The following SHOC1 variants were observed in gnomAD, a reference collection of about 807,000 sequenced individuals.
SHOC1 encodes the protein protein shortage in chiasmata 1 ortholog.
A neutral mutation model predicts 179.2 loss-of-function variants in SHOC1; 136 were observed. The observed-to-expected ratio is 0.76, with a 90% confidence interval of 0.66 to 0.87. The LOEUF is 0.87. Among genes scored for constraint, SHOC1 ranks in the 40% least tolerant of loss-of-function variants. The probability of loss-of-function intolerance (pLI) is 0.00; values close to 1 mark genes in which losing one functional copy is unlikely to be tolerated. For synonymous variants in SHOC1, 489 were observed against 586.6 expected (o/e 0.83, Z 2.41); for missense variants, 1,538 against 1,700.8 (o/e 0.90, Z 1.68).
chr9:111,724,447 C>T lies in SHOC1; in HGVS notation c.1835-536G>A, dbSNP rs539518825. 5.3e-5 allele frequency among the ~76,000 whole-genome samples: 8 copies of T among 152,168 alleles called. No homozygotes were observed. The South Asian group carries it at 1.7e-3, about 32-fold the overall frequency. On this transcript the variant is annotated intron_variant, in intron 13 of 27. Coordinates refer to ENST00000682961, the MANE Select transcript of SHOC1 (RefSeq NM_001378211.1). ...CTTGACCTCTTGGGCTCAAGCAATC[C>T]TCCCACCTCAGCCTCCCAAGTAGCT...
At chr9:111,722,861 G>T (rs1363876420) in intron 14 of SHOC1, among the ~76,000 whole-genome samples, 1 of 151,966 alleles carries the variant, frequency 6.6e-6, no homozygotes, top group Non-Finnish European at 1.5e-5. Flanking sequence ...GAGTGTAGTG[G>T]CGCCATCTCG....
chr9:111,767,714 T>C (rs1283744365), intron 5 of SHOC1, among the ~76,000 whole-genome samples: 1 of 152,214 alleles, frequency 6.6e-6, no homozygotes, highest in Non-Finnish European at 1.5e-5. Flanking sequence ...ATTTTTCTAT[T>C]TCTGTGGAGA....
In SHOC1 at chr9:111,691,623, C is replaced by T. The variant is rs1474048851; in HGVS notation, c.4354G>A (p.Ala1452Thr). The stretch of plus-strand genomic sequence containing the variant: ...CTTTTCTGTCCTAAACTTTTTCCAG[C>T]TCTTTGGTAGAAATAAAGGCTGTTG... ...EFNSLYFYQR[A>T]GKSLGQKRHH... The change falls in exon 27 of 28, where the codon GCT (alanine) becomes ACT (threonine). Residue 1452 changes from alanine (A) to threonine (T), a missense_variant. Transcript: ENST00000682961. The T allele has an allele frequency of 1.9e-6, 3 of 1,613,762 alleles. No individual in the cohort carries two copies. In the South Asian group the frequency reaches 3.3e-5, roughly 18 times the overall value.
At chr9:111,749,419 C>G (rs902856656) in intron 8 of SHOC1, among the ~76,000 whole-genome samples, 5 of 152,026 alleles carry the variant, frequency 3.3e-5, no homozygotes, top group Non-Finnish European at 2.9e-5. Context: ...CTTCCAATGC[C>G]TTTTCCTTGC....
intron 2 of SHOC1, among the ~76,000 whole-genome samples, chr9:111,786,379 G>A (rs575562978): frequency 3.9e-5 from 6 of 152,154 alleles, no homozygotes; most frequent in African/African-American, 1.4e-4. Context: ...AGTTTGCAGT[G>A]AGCCGAGATC....
Position 111,780,716 on chromosome 9 carries a change from T to G in SHOC1, c.257+214A>C, listed in dbSNP as rs559807605. On this transcript the variant is annotated intron_variant, in intron 4 of 27. Coordinates refer to ENST00000682961, the MANE Select transcript of SHOC1 (RefSeq NM_001378211.1). The stretch of plus-strand genomic sequence containing the variant: ...TTTCTACAGAAAGTTTACTAATTGA[T>G]AAACTAATTGAAAGTTTACTAATTA... Among the ~76,000 whole-genome samples the G allele has an allele frequency of 2.0e-5, 3 of 152,308 alleles. No homozygotes were observed. The East Asian group carries it at 5.8e-4, about 29-fold the overall frequency.
At chr9:111,744,264 A>T (rs554745969) in intron 10 of SHOC1, among the ~76,000 whole-genome samples, 1 of 152,230 alleles carries the variant, frequency 6.6e-6, no homozygotes, top group Non-Finnish European at 1.5e-5. Context: ...CTGCAAATAA[A>T]TATCTTGTAC....
intron 23 of SHOC1, 48 bp from the exon 24 acceptor site, chr9:111,700,095 A>G (rs773275565): frequency 9.3e-6 from 9 of 963,844 alleles, no homozygotes; most frequent in South Asian, 3.4e-5. Flanking sequence ...ATATCAGATT[A>G]TATTTATTAA....
intron 24 of SHOC1, among the ~76,000 whole-genome samples, chr9:111,697,102 A>G (rs1033316102): frequency 4.6e-5 from 7 of 152,186 alleles, no homozygotes; most frequent in African/African-American, 1.7e-4. Context: ...TCCCCATACC[A>G]TAATAAGATA....
rs766118331 is a variant in SHOC1, at chr9:111,728,029, G to T, written c.1438C>A (p.His480Asn). ...QLESCLEHKS[H>N]SSPIALIDEK... is the part of the protein sequence containing the mutation. ...TCAATAAGTGCAATAGGTGAAGAAT[G>T]ACTTTTATGTTCTAGACATGCTGAA... Residue 480 changes from histidine to asparagine, a missense_variant, in exon 13 of 28, where the codon CAT becomes AAT. Coordinates refer to ENST00000682961, the MANE Select transcript of SHOC1 (RefSeq NM_001378211.1). The T allele has an allele frequency of 1.3e-6, 2 of 1,590,378 alleles. No homozygotes were observed. Among genetic ancestry groups the T allele is most frequent in the South Asian group, 2.3e-5 (2 of 86,102 alleles).
chr9:111,724,412 T>G (rs1181797271), intron 13 of SHOC1, among the ~76,000 whole-genome samples: 1 of 152,030 alleles, frequency 6.6e-6, no homozygotes, highest in Non-Finnish European at 1.5e-5. Flanking sequence ...TGATCAGGGC[T>G]CACTGCAGCC....
rs764277534 is a variant in SHOC1 at position 111,691,926 on chromosome 9, C to T, written c.4051G>A (p.Gly1351Ser). ...TTCCAATGAAGAGGAGATTGAGTGC[C>T]CTCTAGTGAAAAGATAGGGTCCGAT... ...DVSDPIFSLE[G>S]TQSPLHWNFK... Residue 1351 changes from glycine to serine, a missense_variant, in exon 27 of 28, where the codon GGC becomes AGC. Coordinates refer to ENST00000682961, the MANE Select transcript of SHOC1 (RefSeq NM_001378211.1). 1.9e-6 allele frequency: 3 copies of T among 1,613,850 alleles called. No individual in the cohort carries two copies. Among genetic ancestry groups the T allele is most frequent in the Admixed American group, 3.3e-5 (2 of 59,994 alleles).
intron 8 of SHOC1, among the ~76,000 whole-genome samples, chr9:111,753,358 A>G (rs1056185054): frequency 3.3e-5 from 5 of 152,234 alleles, no homozygotes; most frequent in African/African-American, 1.2e-4. Context: ...TCACAAGAAA[A>G]TAAAACTACA....
chr9:111,771,377 A>G (rs886304889), intron 5 of SHOC1, among the ~76,000 whole-genome samples: 3 of 152,110 alleles, frequency 2.0e-5, no homozygotes, highest in African/African-American at 7.2e-5. Context: ...TGCTATAGCT[A>G]TTGTTTTTGA....
chr9:111,755,752 T>C lies in SHOC1; in HGVS notation c.862+573A>G, dbSNP rs538484610. On this transcript the variant is annotated intron_variant, in intron 8 of 27. Transcript: ENST00000682961. ...AACTCTTCAAAAATTTGTATAGTCA[T>C]AGGTGTTTTAGTTTTATTTGTATAA... Among the ~76,000 whole-genome samples, 7 of 152,318 alleles carry C rather than the reference T, an allele frequency of 4.6e-5. 1 individual carries two copies. The South Asian group carries it at 1.4e-3, about 32-fold the overall frequency.
intron 15 of SHOC1, among the ~76,000 whole-genome samples, chr9:111,721,391 A>G (rs531193831): frequency 1.2e-4 from 18 of 152,242 alleles, no homozygotes; most frequent in Non-Finnish European, 2.2e-4. Flanking sequence ...CCAGGCTGGA[A>G]TGCAGTGGTG....
chr9:111,765,539 G>A (rs555747854), intron 5 of SHOC1, among the ~76,000 whole-genome samples: 2 of 152,130 alleles, frequency 1.3e-5, no homozygotes, highest in Non-Finnish European at 2.9e-5. Context: ...GCAGTGAGCA[G>A]AGATTGCACC....
chr9:111,793,151 G>T (rs1448154891), intron 1 of SHOC1, among the ~76,000 whole-genome samples: 1 of 152,100 alleles, frequency 6.6e-6, no homozygotes, highest in Non-Finnish European at 1.5e-5. Context: ...CAGAGTGCTG[G>T]GATTACAGGC....
intron 7 of SHOC1, 65 bp from the exon 8 acceptor site, chr9:111,756,543 A>C: frequency 6.9e-7 from 1 of 1,439,562 alleles, no homozygotes; most frequent in South Asian, 1.3e-5. Context: ...TCGAAATCAT[A>C]AGTGGACAAA....
Sources: allele counts gnomAD v4.1 joint callset (sites outside exome capture counted in the v4.1 genomes callset), GRCh38; gene constraint gnomAD v4.1.1; transcripts MANE v1.5; gene names NCBI Gene and HGNC (gene_info 2026-07-23, HGNC 2026-07-21).